Variants in PITPNC1 observed in about 807,000 individuals in gnomAD.
PITPNC1 encodes the protein cytoplasmic phosphatidylinositol transfer protein 1.
PITPNC1 carries 18 observed loss-of-function variants against 44.7 expected under a neutral mutation model. That is an observed-to-expected ratio of 0.40 (90% confidence interval 0.28 to 0.60). The LOEUF is 0.60. PITPNC1 is among the 20% of genes least tolerant of loss of function. The probability of loss-of-function intolerance (pLI) is 0.39; values close to 1 mark genes in which losing one functional copy is unlikely to be tolerated. For missense variants in PITPNC1, 290 were observed against 418.4 expected, an observed-to-expected ratio of 0.69 and a Z score of 2.68; for synonymous variants, 141 against 149.6, an observed-to-expected ratio of 0.94 and a Z score of 0.42.
chr17:67,537,687 C>G (rs944915638), intron 2 of PITPNC1, among the ~76,000 whole-genome samples: 5 of 151,930 alleles, frequency 3.3e-5, no homozygotes, highest in African/African-American at 1.2e-4. Flanking sequence ...AAAAATAGAA[C>G]TGGTGCTGGG....
chr17:67,431,406 C>T (rs1329623926), intron 1 of PITPNC1, among the ~76,000 whole-genome samples: 2 of 152,160 alleles, frequency 1.3e-5, no homozygotes, highest in African/African-American at 2.4e-5. Flanking sequence ...GCGTTTTCTC[C>T]ACCCTTTACC....
chr17:67,493,560 G>A (rs1280430127), intron 1 of PITPNC1, among the ~76,000 whole-genome samples: 1 of 152,208 alleles, frequency 6.6e-6, no homozygotes, highest in African/African-American at 2.4e-5. Flanking sequence ...TGGTACAGCG[G>A]ATAAGACTAG....
At chr17:67,397,979 A>G (rs2038245723) in intron 1 of PITPNC1, among the ~76,000 whole-genome samples, 1 of 151,844 alleles carries the variant, frequency 6.6e-6, no homozygotes, top group Non-Finnish European at 1.5e-5. Context: ...TGTAGTCCCA[A>G]CTACTCGAGA....
intron 1 of PITPNC1, among the ~76,000 whole-genome samples, chr17:67,412,670 G>A (rs2038520700): frequency 6.6e-6 from 1 of 152,146 alleles, no homozygotes; most frequent in Non-Finnish European, 1.5e-5. Context: ...GGGTTCAAGT[G>A]ATTCTCCTGC....
chr17:67,485,541 T>C (rs978328501), intron 1 of PITPNC1, among the ~76,000 whole-genome samples: 7 of 151,894 alleles, frequency 4.6e-5, no homozygotes, highest in African/African-American at 1.7e-4. Context: ...ATTTTTGTAT[T>C]TTTAGTAGAG....
chr17:67,426,236 G>C (rs1452642158), intron 1 of PITPNC1, among the ~76,000 whole-genome samples: 2 of 152,130 alleles, frequency 1.3e-5, no homozygotes, highest in Non-Finnish European at 2.9e-5. Context: ...AATACCATTT[G>C]ACCCAGCAAT....
intron 1 of PITPNC1, among the ~76,000 whole-genome samples, chr17:67,451,929 C>T (rs991307450): frequency 6.6e-6 from 1 of 152,004 alleles, no homozygotes; most frequent in African/African-American, 2.4e-5. Flanking sequence ...AGCCACCACG[C>T]CTGGCCGAGA....
intron 5 of PITPNC1, among the ~76,000 whole-genome samples, chr17:67,620,581 G>C (rs1248206087): frequency 6.6e-6 from 1 of 152,256 alleles, no homozygotes; most frequent in Middle Eastern, 3.4e-3. Context: ...ACACTCTCAG[G>C]CCTGAAACCT....
chr17:67,510,911 C>A (rs764757489), intron 1 of PITPNC1, among the ~76,000 whole-genome samples: 1 of 152,006 alleles, frequency 6.6e-6, no homozygotes, highest in Admixed American at 6.6e-5. Context: ...TCCATGCCAG[C>A]GTATTGTTTC....
intron 1 of PITPNC1, among the ~76,000 whole-genome samples, chr17:67,413,025 T>G (rs2038527637): frequency 6.6e-6 from 1 of 152,242 alleles, no homozygotes; most frequent in African/African-American, 2.4e-5. Flanking sequence ...CTGAGAATGA[T>G]GGAGGAGAAA....
intron 5 of PITPNC1, among the ~76,000 whole-genome samples, chr17:67,596,968 A>T (rs1344764485): frequency 6.6e-6 from 1 of 151,884 alleles, no homozygotes; most frequent in East Asian, 1.9e-4. Flanking sequence ...ATTTCAGCTC[A>T]CTGCAACCTC....
chr17:67,624,413 T>C (rs1320530330), intron 5 of PITPNC1, among the ~76,000 whole-genome samples: 1 of 152,114 alleles, frequency 6.6e-6, no homozygotes, highest in Non-Finnish European at 1.5e-5. Flanking sequence ...GGTATCACTA[T>C]GTTGTCCAGG....
chr17:67,421,985 C>T (rs754745148), intron 1 of PITPNC1, among the ~76,000 whole-genome samples: 12 of 152,082 alleles, frequency 7.9e-5, no homozygotes, highest in Non-Finnish European at 1.5e-4. Context: ...GAAATGACCT[C>T]GAATTGAAGT....
intron 5 of PITPNC1, among the ~76,000 whole-genome samples, chr17:67,625,468 G>A (rs72839408): frequency 0.083 from 12,685 of 152,178 alleles, 615 homozygotes; most frequent in Middle Eastern, 0.14. Context: ...TGCCACCACC[G>A]GGGAGCCCAA....
intron 1 of PITPNC1, among the ~76,000 whole-genome samples, chr17:67,461,264 G>C (rs935106890): frequency 2.0e-5 from 3 of 152,206 alleles, no homozygotes; most frequent in Non-Finnish European, 4.4e-5. Context: ...TATTCTATAA[G>C]TTTTGAAAAT....
rs1248101693 is a variant in PITPNC1, at chr17:67,502,739, C to CATTGT, written c.49-30059_49-30058insTATTG. On this transcript the variant is annotated intron_variant, in intron 1 of 8. Transcript: ENST00000581322. The stretch of plus-strand genomic sequence containing the variant: ...TGTGTGAAGTAAGATTATTGCATTG[C>CATTGT]ATTGCATTGTATTGTATTGTATTGT... Among the ~76,000 whole-genome samples, 10 of 133,644 alleles carry CATTGT rather than the reference C, an allele frequency of 7.5e-5. No individual in the cohort carries two copies. The East Asian group carries it at 1.3e-3, about 17-fold the overall frequency. The allele number at this position is 133,644 out of a possible 152,430, so 87.7% of individuals were successfully genotyped here.
In PITPNC1 at chr17:67,597,055, G is replaced by A. The variant is rs192705492; in HGVS notation, c.366+18798G>A. Among the ~76,000 whole-genome samples, 412 of 151,938 alleles carry A rather than the reference G, an allele frequency of 2.7e-3. No individual in the cohort carries two copies. Among genetic ancestry groups the A allele is most frequent in the African/African-American group, 9.7e-3 (400 of 41,442 alleles). Reference sequence around the variant, plus strand: ...ACTATAGGCACTTGCCACCATGCTCGCCTAATTTTTTAATTTTTTGTAGAG... The same window carrying A: ...ACTATAGGCACTTGCCACCATGCTCACCTAATTTTTTAATTTTTTGTAGAG... On this transcript the variant is annotated intron_variant, in intron 5 of 8. Coordinates refer to ENST00000581322, the MANE Select transcript of PITPNC1 (RefSeq NM_012417.4). The surrounding 1 kb of genome is among the most constrained non-coding windows in gnomAD (Gnocchi z 4.0).
At chr17:67,690,333 A>G (rs1050798731) in intron 8 of PITPNC1, among the ~76,000 whole-genome samples, 4 of 151,928 alleles carry the variant, frequency 2.6e-5, no homozygotes, top group Non-Finnish European at 4.4e-5. Context: ...CTGTAATCCC[A>G]GCTACTCGGG....
At chr17:67,653,283 G>C (rs1368001235) in intron 6 of PITPNC1, among the ~76,000 whole-genome samples, 1 of 152,048 alleles carries the variant, frequency 6.6e-6, no homozygotes, top group South Asian at 2.1e-4. Flanking sequence ...AGAAAAAAAA[G>C]GTTGGGGGGA....
Sources: gnomAD v4.1 joint callset for allele counts (sites outside exome capture counted in the v4.1 genomes callset) on GRCh38, gnomAD v4.1.1 for gene constraint, Gnocchi (gnomAD v3.1) non-coding constraint, MANE v1.5 for transcripts, NCBI Gene and HGNC (gene_info 2026-07-23, HGNC 2026-07-21) for gene names.